Variants in NID1 observed in about 807,000 individuals in gnomAD.
The protein encoded by NID1 is nidogen 1.
Under a neutral mutation model 130.6 loss-of-function variants are expected in NID1, and 76 were observed. The ratio of observed to expected loss-of-function variants is 0.58; its 90% CI spans 0.48 to 0.70. The LOEUF (loss-of-function observed/expected upper bound fraction) is 0.70, where lower values mean the gene tolerates loss of function less well. NID1 is among the 30% of genes least tolerant of loss of function. NID1 has a pLI of 0.00. For synonymous variants in NID1, 665 were observed against 675.1 expected (o/e 0.98, Z 0.23); for missense variants, 1,517 against 1,664.8 (o/e 0.91, Z 1.54).
At position 236,013,398 on chromosome 1, in the gene NID1, A is replaced by G; in HGVS notation, c.2404+13T>C. ...CAGGTTACACACAGGGGAAGATCAG[A>G]GCAACCACACACCTTGGCAGGCTTG... On this transcript the variant is annotated intron_variant, in intron 11 of 19. Coordinates refer to ENST00000264187, the MANE Select transcript of NID1 (RefSeq NM_002508.3). The G allele has an allele frequency of 6.2e-7, 1 of 1,613,524 alleles. No homozygotes were observed. The highest frequency in any genetic ancestry group is 8.5e-7 in the Non-Finnish European group (1 of 1,179,954).
chr1:236,029,548 A>G lies in NID1; in HGVS notation c.1738+2T>C, dbSNP rs113080026. 1 of 1,554,914 alleles carries G rather than the reference A, an allele frequency of 6.4e-7. No individual in the cohort carries two copies. The highest frequency in any genetic ancestry group is 8.7e-7 in the Non-Finnish European group (1 of 1,149,466). ...TGGCCCTGGGACACAGCTGGGGCTC[A>G]CCTGAGGTGGAGTAGTGGTACAGCT... On this transcript the variant is annotated splice_donor_variant, in intron 7 of 19. Transcript: ENST00000264187. LOFTEE classifies it high-confidence loss of function.
chr1:236,020,888 T>C (rs1658740223), intron 9 of NID1, among the ~76,000 whole-genome samples: 1 of 152,158 alleles, frequency 6.6e-6, no homozygotes, highest in Non-Finnish European at 1.5e-5. Flanking sequence ...CGACCACCTG[T>C]CTTTCTGGAC....
intron 2 of NID1, among the ~76,000 whole-genome samples, chr1:236,047,422 A>G (rs964765287): frequency 1.3e-5 from 2 of 152,074 alleles, no homozygotes; most frequent in Admixed American, 6.5e-5. Flanking sequence ...TTTCCAAGGG[A>G]AAATCGAGGC....
chr1:235,978,907 T>C, intron 19 of NID1, 88 bp downstream of exon 19: 2 of 840,718 alleles, frequency 2.4e-6, no homozygotes, highest in Non-Finnish European at 4.1e-6. Context: ...TCAAGGCTAC[T>C]AGTGGCCATA....
chr1:236,031,719 G>C (rs1296511394), intron 6 of NID1, among the ~76,000 whole-genome samples: 4 of 152,202 alleles, frequency 2.6e-5, no homozygotes, highest in Non-Finnish European at 5.9e-5. Flanking sequence ...CTGTTCTCGG[G>C]AATGGGTCTC....
At chr1:236,063,215 T>TAAAA (rs906107191) in intron 1 of NID1, among the ~76,000 whole-genome samples, 2 of 149,474 alleles carry the variant, frequency 1.3e-5, no homozygotes, top group African/African-American at 5.0e-5. Flanking sequence ...CTCATGCCTG[T>TAAAA]AATCCCAGCA....
intron 1 of NID1, among the ~76,000 whole-genome samples, chr1:236,056,981 G>C (rs1381715420): frequency 1.3e-5 from 2 of 152,182 alleles, no homozygotes; most frequent in Admixed American, 6.5e-5. Context: ...AGTTTAAAAA[G>C]TACACGATGG....
intron 5 of NID1, among the ~76,000 whole-genome samples, chr1:236,033,572 A>C (rs1043820946): frequency 2.0e-5 from 3 of 152,192 alleles, no homozygotes; most frequent in Non-Finnish European, 4.4e-5. Flanking sequence ...AACCAGAACC[A>C]GCTTGGCGTG....
At chr1:236,024,344 C>T in intron 8 of NID1, 131 bp from the exon 9 acceptor site, 1 of 1,055,082 alleles carries the variant, frequency 9.5e-7, no homozygotes, top group Non-Finnish European at 1.4e-6. Flanking sequence ...AATGGGACAC[C>T]AGCCAATTCC....
intron 12 of NID1, among the ~76,000 whole-genome samples, chr1:236,001,669 C>G (rs539621892): frequency 6.6e-6 from 1 of 152,332 alleles, no homozygotes; most frequent in African/African-American, 2.4e-5. Context: ...ACATTTACCC[C>G]CATTCTCACA....
intron 14 of NID1, 103 bp downstream of exon 14, chr1:235,990,783 G>T: frequency 7.7e-7 from 1 of 1,304,340 alleles, no homozygotes; most frequent in South Asian, 1.3e-5. Context: ...AGCACCCATG[G>T]TTCCAGGGGT....
intron 14 of NID1, among the ~76,000 whole-genome samples, chr1:235,988,531 T>C (rs1312578843): frequency 1.3e-5 from 2 of 152,188 alleles, no homozygotes; most frequent in Non-Finnish European, 2.9e-5. Flanking sequence ...CTTTGGTATA[T>C]GTATCGAAAA....
intron 12 of NID1, among the ~76,000 whole-genome samples, chr1:236,002,489 C>T (rs1303594464): frequency 6.6e-6 from 1 of 150,420 alleles, no homozygotes; most frequent in African/African-American, 2.5e-5. Flanking sequence ...AGCAACAGAG[C>T]GAGACTCTGT....
In NID1 at chr1:236,026,009, C is replaced by T. The variant is rs370448421; in HGVS notation, c.1871G>A (p.Arg624Gln). Residue 624 changes from arginine (R) to glutamine (Q), a missense_variant, in exon 8 of 20, where the codon CGG becomes CAG. This residue lies in a region of NID1 where 1,329 missense variants were observed against 1,429.2 expected (regional missense o/e 0.93). Coordinates refer to ENST00000264187, the MANE Select transcript of NID1 (RefSeq NM_002508.3). ...TFQECVHDDS[R>Q]PALPSTQQLS... is the part of the protein sequence containing the mutation. ...CTGCTGGGTGCTGGGCAGGGCTGGCCGGGAGTCATCGTGGACGCATTCCTG... is the reference window on the plus strand; with the variant it reads ...CTGCTGGGTGCTGGGCAGGGCTGGCTGGGAGTCATCGTGGACGCATTCCTG... 6.2e-6 allele frequency: 10 copies of T among 1,613,206 alleles called. No homozygotes were observed. The highest frequency in any genetic ancestry group is 3.3e-5 in the Admixed American group (2 of 59,886).
At chr1:236,054,157 T>A (rs536906256) in intron 1 of NID1, among the ~76,000 whole-genome samples, 15 of 152,280 alleles carry the variant, frequency 9.9e-5, no homozygotes, top group Non-Finnish European at 2.2e-4. Flanking sequence ...CTATAGATTT[T>A]AAAAATTCTA....
chr1:235,985,489 C>A lies in NID1; in HGVS notation c.2945G>T (p.Gly982Val). 1 of 1,614,112 alleles carries A rather than the reference C, an allele frequency of 6.2e-7. No homozygotes were observed. Among genetic ancestry groups the A allele is most frequent in the South Asian group, 1.1e-5 (1 of 91,074 alleles). Residue 982 changes from glycine (G) to valine (V), a missense_variant, in exon 15 of 20, where the codon GGA (glycine) becomes GTA (valine). Physicochemically the swap from Gly to Val is moderately radical, Grantham distance 109 (BLOSUM62 -3). Around this residue, in one of 3 missense-constraint regions of NID1, gnomAD observed 1,329 missense variants for 1,429.2 expected, o/e 0.93. Coordinates refer to ENST00000264187, the MANE Select transcript of NID1 (RefSeq NM_002508.3). ...CTTGTCCACGCAGTCAAAGGCCAGT[C>A]CAATGATGACTTTAGCCTGGATGTG... The part of the protein sequence containing the change: ...FLHVPAKVII[G>V]LAFDCVDKMV...
At chr1:236,038,022 A>G (rs1572611790) in intron 5 of NID1, 82 bp downstream of exon 5, 2 of 1,499,508 alleles carry the variant, frequency 1.3e-6, no homozygotes, top group Non-Finnish European at 1.8e-6. Context: ...GATGTGGGTA[A>G]AGCAACATGG....
chr1:235,996,134 A>G (rs1474395583), intron 12 of NID1, among the ~76,000 whole-genome samples: 2 of 152,192 alleles, frequency 1.3e-5, no homozygotes, highest in Non-Finnish European at 2.9e-5. Flanking sequence ...AGCCTGGGTG[A>G]CAGAGCAAGA....
intron 12 of NID1, among the ~76,000 whole-genome samples, chr1:236,008,010 G>A (rs769407722): frequency 7.9e-5 from 12 of 152,050 alleles, no homozygotes; most frequent in Non-Finnish European, 1.5e-4. Context: ...ACTTAGACAC[G>A]CATACACATG....
Sources: gnomAD v4.1 joint callset for allele counts (sites outside exome capture counted in the v4.1 genomes callset) on GRCh38, gnomAD v4.1.1 for gene constraint, gnomAD v4.1.1 regional missense constraint, MANE v1.5 for transcripts, NCBI Gene and HGNC (gene_info 2026-07-23, HGNC 2026-07-21) for gene names.